TSC22D1: variants seen among roughly 807,000 people sequenced by gnomAD.
TSC22D1 encodes TSC22 domain family protein 1.
TSC22D1 carries 9 observed loss-of-function variants against 74.2 expected under a neutral mutation model. That is an observed-to-expected ratio of 0.12 (90% CI 0.07 to 0.21). TSC22D1 has a LOEUF of 0.21. Ranked by LOEUF, TSC22D1 falls within the 10% of genes least tolerant of loss-of-function variation. TSC22D1 has a pLI of 1.00. For missense variants in TSC22D1, 1,427 were observed against 1,304.7 expected (o/e 1.09, Z -1.44); for synonymous variants, 586 against 492.5 (o/e 1.19, Z -2.51).
At chr13:44,486,696 T>C (rs1254881452) in intron 1 of TSC22D1, among the ~76,000 whole-genome samples, 1 of 152,188 alleles carries the variant, frequency 6.6e-6, no homozygotes, top group Non-Finnish European at 1.5e-5. Context: ...TGCTAAACCA[T>C]ACAGCAAGAC....
At chr13:44,557,585 G>C (rs9533907) in intron 1 of TSC22D1, among the ~76,000 whole-genome samples, 13,274 of 152,190 alleles carry the variant, frequency 0.087, 745 homozygotes, top group Non-Finnish European at 0.12. Flanking sequence ...ACTTCCCCAA[G>C]TGAGTTCACA....
intron 1 of TSC22D1, among the ~76,000 whole-genome samples, chr13:44,543,190 T>C (rs1306726168): frequency 6.6e-6 from 1 of 152,198 alleles, no homozygotes; most frequent in Non-Finnish European, 1.5e-5. Context: ...GAAAATTTTA[T>C]GAGAAGTACA....
intron 1 of TSC22D1, among the ~76,000 whole-genome samples, chr13:44,530,259 CAGACCTTTGAAA>C (rs1880760955): frequency 6.6e-6 from 1 of 152,094 alleles, no homozygotes; most frequent in Non-Finnish European, 1.5e-5. Flanking sequence ...ATATAGTCAA[CAGACCTTTGAAA>C]AGAGAGCAAA....
intron 1 of TSC22D1, among the ~76,000 whole-genome samples, chr13:44,556,717 C>T (rs1036315046): frequency 2.0e-5 from 3 of 151,920 alleles, no homozygotes; most frequent in Non-Finnish European, 4.4e-5. Flanking sequence ...AATACAAAAA[C>T]TAGTTGGACG....
chr13:44,487,703 T>TA (rs113240665), intron 1 of TSC22D1, among the ~76,000 whole-genome samples: 17,003 of 147,404 alleles, frequency 0.12, 982 homozygotes, highest in Non-Finnish European at 0.13. Flanking sequence ...TTCAAGAGGT[T>TA]AAAAAAAAAA....
Position 44,434,519 on chromosome 13 carries a change from C to G in TSC22D1, c.*107G>C. On this transcript the variant is annotated 3_prime_UTR_variant, in exon 3 of 3. Coordinates refer to ENST00000458659, the MANE Select transcript of TSC22D1 (RefSeq NM_183422.4). ...GCATATGTCAGTCTCACGTCTCTTT[C>G]GCAGCGAGCAATGAAATGGGTGACT... is the stretch of plus-strand genomic sequence containing the variant. The G allele has an allele frequency of 6.9e-7, 1 of 1,458,378 alleles. No individual in the cohort carries two copies. The highest frequency in any genetic ancestry group is 1.6e-5 in the South Asian group (1 of 64,078). The allele number at this position is 1,458,378 out of a possible 1,614,324, so 90.3% of individuals were successfully genotyped here.
At chr13:44,544,836 T>C (rs1356762840) in intron 1 of TSC22D1, among the ~76,000 whole-genome samples, 2 of 152,088 alleles carry the variant, frequency 1.3e-5, no homozygotes. Context: ...AACCAACAGA[T>C]AACCCAAATG....
chr13:44,464,587 G>A (rs531618949), intron 1 of TSC22D1, among the ~76,000 whole-genome samples: 40 of 152,190 alleles, frequency 2.6e-4, no homozygotes, highest in Admixed American at 1.6e-3. Context: ...GGATAATGAT[G>A]TCAGCATAAC....
chr13:44,483,087 A>T (rs1355508262), intron 1 of TSC22D1, among the ~76,000 whole-genome samples: 1 of 152,226 alleles, frequency 6.6e-6, no homozygotes, highest in African/African-American at 2.4e-5. Flanking sequence ...CATTATTTAG[A>T]TATAGGTTTT....
intron 1 of TSC22D1, among the ~76,000 whole-genome samples, chr13:44,450,877 C>T (rs1595086283): frequency 1.3e-5 from 2 of 152,140 alleles, no homozygotes; most frequent in South Asian, 4.1e-4. Flanking sequence ...TCCATATAGG[C>T]AAGAGATGGT....
intron 1 of TSC22D1, among the ~76,000 whole-genome samples, chr13:44,534,446 T>G (rs991875373): frequency 6.6e-6 from 1 of 151,916 alleles, no homozygotes; most frequent in African/African-American, 2.4e-5. Context: ...ATTACTGCAT[T>G]TTTCGATGTT....
At chr13:44,564,219 TTTC>T (rs1883222444) in intron 1 of TSC22D1, among the ~76,000 whole-genome samples, 1 of 152,228 alleles carries the variant, frequency 6.6e-6, no homozygotes, top group African/African-American at 2.4e-5. Flanking sequence ...AACAGTATAT[TTTC>T]TTGATTAAGC....
At chr13:44,446,875 C>CGTA (rs1555263866) in intron 1 of TSC22D1, among the ~76,000 whole-genome samples, 9 of 151,492 alleles carry the variant, frequency 5.9e-5, no homozygotes, top group Non-Finnish European at 1.3e-4. Flanking sequence ...GAAAAAGAAA[C>CGTA]ATATTTTTAA....
At chr13:44,528,136 CA>C (rs1455692040) in intron 1 of TSC22D1, among the ~76,000 whole-genome samples, 1 of 151,970 alleles carries the variant, frequency 6.6e-6, no homozygotes, top group Non-Finnish European at 1.5e-5. Context: ...TTGACAGATC[CA>C]GAAGGCAGAA....
At chr13:44,572,614 C>T (rs1236942225) in intron 1 of TSC22D1, among the ~76,000 whole-genome samples, 3 of 152,106 alleles carry the variant, frequency 2.0e-5, no homozygotes, top group Admixed American at 6.5e-5. Context: ...TAAATAAGTA[C>T]GCAAAAGTTG....
intron 1 of TSC22D1, among the ~76,000 whole-genome samples, chr13:44,568,438 A>T (rs1883522829): frequency 6.6e-6 from 1 of 152,234 alleles, no homozygotes. Flanking sequence ...AATGAACTCC[A>T]GCCAGATTAC....
chr13:44,468,534 G>A (rs1877424276), intron 1 of TSC22D1, among the ~76,000 whole-genome samples: 1 of 149,728 alleles, frequency 6.7e-6, no homozygotes, highest in South Asian at 2.1e-4. Context: ...GATGGATCCA[G>A]GTTTCAAAAC....
intron 1 of TSC22D1, among the ~76,000 whole-genome samples, chr13:44,453,983 T>C (rs967562880): frequency 3.3e-5 from 5 of 152,190 alleles, no homozygotes; most frequent in Admixed American, 2.0e-4. Flanking sequence ...ATACTACATA[T>C]ATTTAAAAAT....
At chr13:44,451,392 G>A (rs1198874238) in intron 1 of TSC22D1, 2 of 152,234 alleles carry the variant, frequency 1.3e-5, no homozygotes, top group African/African-American at 2.4e-5. Flanking sequence ...GCCAGTAACA[G>A]ACTGGGTTCT....
Sources: gnomAD v4.1 joint callset for allele counts (sites outside exome capture counted in the v4.1 genomes callset) on GRCh38, gnomAD v4.1.1 for gene constraint, MANE v1.5 for transcripts, NCBI Gene and HGNC (gene_info 2026-07-23, HGNC 2026-07-21) for gene names.